KANK4: variants seen among roughly 807,000 people sequenced by gnomAD.
KANK4 encodes KN motif and ankyrin repeat domain-containing protein 4.
KANK4 carries 50 observed loss-of-function variants against 80.8 expected under a neutral mutation model. The observed-to-expected ratio is 0.62, with a 90% CI of 0.49 to 0.78. The LOEUF (loss-of-function observed/expected upper bound fraction) is 0.78. KANK4 is among the 30% of genes least tolerant of loss of function. The probability of loss-of-function intolerance (pLI) is 0.00; values close to 1 mark genes in which losing one functional copy is unlikely to be tolerated. For missense variants in KANK4, 1,196 were observed against 1,240.1 expected, an observed-to-expected ratio of 0.96 and a Z score of 0.53; for synonymous variants, 465 against 506.9, an observed-to-expected ratio of 0.92 and a Z score of 1.11.
intron 6 of KANK4, among the ~76,000 whole-genome samples, chr1:62,264,921 T>A (rs564465996): frequency 1.3e-5 from 2 of 152,298 alleles, no homozygotes; most frequent in Admixed American, 1.3e-4. Context: ...AACCTCCACC[T>A]CCTGGGTTCA....
intron 2 of KANK4, among the ~76,000 whole-genome samples, chr1:62,278,333 C>T (rs374516970): frequency 0.031 from 540 of 17,586 alleles, 7 homozygotes; most frequent in African/African-American, 0.096. Flanking sequence ...TCCTTCCTTC[C>T]TTCCTTCCTT....
rs761058067 is a variant in KANK4, at chr1:62,273,897, C to T, written c.1207G>A (p.Ala403Thr). 6.8e-6 allele frequency: 11 copies of T among 1,614,058 alleles called. No individual in the cohort carries two copies. The Admixed American group carries it at 8.3e-5, about 12-fold the overall frequency. ...QLEGQFHQEN[A>T]KDTQGQTDVM... ...TCCGTCTGGCCCTGAGTGTCTTTGGCGTTCTCTTGGTGAAACTGTCCTTCC... is the reference window on the plus strand; with the variant it reads ...TCCGTCTGGCCCTGAGTGTCTTTGGTGTTCTCTTGGTGAAACTGTCCTTCC... Residue 403 changes from alanine (A) to threonine (T), a missense_variant, in exon 3 of 10, where the codon GCC (alanine) becomes ACC (threonine). This residue lies in a region of KANK4 where 1,154 missense variants were observed against 1,179.6 expected (regional missense o/e 0.98). Coordinates refer to ENST00000371153, the MANE Select transcript of KANK4 (RefSeq NM_181712.5).
intron 5 of KANK4, 128 bp downstream of exon 5, chr1:62,268,159 C>A (rs561587643): frequency 1.0e-5 from 8 of 770,030 alleles, no homozygotes; most frequent in Non-Finnish European, 1.8e-5. Context: ...GGGCATGAAA[C>A]AGAGACTTAA....
intron 1 of KANK4, among the ~76,000 whole-genome samples, chr1:62,309,887 A>G (rs1644484186): frequency 6.6e-6 from 1 of 152,232 alleles, no homozygotes; most frequent in African/African-American, 2.4e-5. Flanking sequence ...GCCAGTGGGC[A>G]GAGCTCTCAG....
intron 6 of KANK4, among the ~76,000 whole-genome samples, chr1:62,265,090 C>T (rs1340589745): frequency 6.6e-6 from 1 of 152,158 alleles, no homozygotes. Context: ...CTCGGCCTTC[C>T]AAAGTGCTGG....
chr1:62,253,974 C>A (rs1361536571), intron 7 of KANK4, among the ~76,000 whole-genome samples: 1 of 152,188 alleles, frequency 6.6e-6, no homozygotes, highest in Non-Finnish European at 1.5e-5. Flanking sequence ...CCTGGAATGC[C>A]ACCCACGGCT....
At chr1:62,256,142 G>A (rs1671746952) in intron 7 of KANK4, among the ~76,000 whole-genome samples, 1 of 152,150 alleles carries the variant, frequency 6.6e-6, no homozygotes, top group South Asian at 2.1e-4. Context: ...TTCTTCCAAT[G>A]TGGCCCAGGG....
rs773542476 is a variant in KANK4 at position 62,238,257 on chromosome 1, G to A, written c.*20C>T. 26 of 1,576,784 alleles carry A rather than the reference G, an allele frequency of 1.6e-5. No homozygotes were observed. Among genetic ancestry groups the A allele is most frequent in the Admixed American group, 1.0e-4 (6 of 59,816 alleles). Reference sequence around the variant, plus strand: ...AGAGAAGAAGGCTTTTGTTCCCCACGGCCAGTTCTTCTGCAGCCCCTACAG... The same window carrying A: ...AGAGAAGAAGGCTTTTGTTCCCCACAGCCAGTTCTTCTGCAGCCCCTACAG... On this transcript the variant is annotated 3_prime_UTR_variant, in exon 10 of 10. Coordinates refer to ENST00000371153, the MANE Select transcript of KANK4 (RefSeq NM_181712.5).
intron 6 of KANK4, 155 bp from the exon 7 acceptor site, chr1:62,263,466 G>A: frequency 1.5e-6 from 1 of 672,440 alleles, no homozygotes; most frequent in Non-Finnish European, 2.6e-6. Context: ...GTGGGGTTAG[G>A]AATGCAGCAA....
At chr1:62,277,796 C>T (rs1338001227) in intron 2 of KANK4, among the ~76,000 whole-genome samples, 2 of 152,046 alleles carry the variant, frequency 1.3e-5, no homozygotes, top group Non-Finnish European at 2.9e-5. Context: ...CAGGAGGGAC[C>T]CCAAGTGAGA....
chr1:62,271,479 C>T lies in KANK4; in HGVS notation c.2011G>A (p.Gly671Arg), dbSNP rs115329333. The T allele has an allele frequency of 2.5e-4, 394 of 1,604,362 alleles. No individual in the cohort carries two copies. In the African/African-American group the frequency reaches 4.1e-3, roughly 17 times the overall value. Residue 671 changes from glycine to arginine, a missense_variant and splice_region_variant, in exon 4 of 10, where the codon GGG becomes AGG. Coordinates refer to ENST00000371153, the MANE Select transcript of KANK4 (RefSeq NM_181712.5). ...KNLQFVGVNG[G>R]YETTSSEETS... is the part of the protein sequence containing the mutation. Reference sequence around the variant, plus strand: ...CTGAGCTTCACAAGCGATGCTTACCCACCGTTAACCCCAACAAACTGAAGG... The same window carrying T: ...CTGAGCTTCACAAGCGATGCTTACCTACCGTTAACCCCAACAAACTGAAGG...
chr1:62,280,062 C>T (rs567510715), intron 2 of KANK4, among the ~76,000 whole-genome samples: 6 of 152,078 alleles, frequency 3.9e-5, no homozygotes, highest in South Asian at 2.1e-4. Flanking sequence ...AGCAGGTGAG[C>T]GAACCAACCA....
chr1:62,276,193 C>T (rs17123328), intron 2 of KANK4, among the ~76,000 whole-genome samples: 6,418 of 152,254 alleles, frequency 0.042, 198 homozygotes, highest in East Asian at 0.14. Context: ...AGTCCTTCGA[C>T]TATCTGCATC....
At chr1:62,287,250 G>A (rs566773266) in intron 1 of KANK4, among the ~76,000 whole-genome samples, 1 of 152,332 alleles carries the variant, frequency 6.6e-6, no homozygotes, top group Non-Finnish European at 1.5e-5. Context: ...GGATGGTCCA[G>A]GAGGGGCCAG....
Position 62,273,560 on chromosome 1 carries a change from C to T in KANK4, c.1544G>A (p.Gly515Glu). 1.2e-6 allele frequency: 2 copies of T among 1,613,848 alleles called. No homozygotes were observed. The highest frequency in any genetic ancestry group is 1.7e-6 in the Non-Finnish European group (2 of 1,179,778). Residue 515 changes from glycine to glutamate, a missense_variant, in exon 3 of 10, where the codon GGA becomes GAA. This residue lies in a region of KANK4 where 1,154 missense variants were observed against 1,179.6 expected (regional missense o/e 0.98). Transcript: ENST00000371153. ...GTEQEGGPQG[G>E]TRGAGGFLWG... ...CAGAAAGCCTCCTGCTCCCCTGGTTCCTCCCTGAGGGCCTCCTTCCTGTTC... is the reference window on the plus strand; with the variant it reads ...CAGAAAGCCTCCTGCTCCCCTGGTTTCTCCCTGAGGGCCTCCTTCCTGTTC...
rs778192341 is a variant in KANK4 at position 62,238,306 on chromosome 1, C to T, written c.2959G>A (p.Ala987Thr). Reference protein sequence around the residue: ...MEIAGLLRAHAEQGRSLGL With the variant: ...MEIAGLLRAHTEQGRSLGL ...AGCCCCAGGGACCTGCCCTGCTCCG[C>T]GTGGGCTCTCAGAAGCCCAGCAATT... The change falls in exon 10 of 10, where the codon GCG becomes ACG. Residue 987 changes from alanine to threonine, a missense_variant. By Grantham distance (58) the Ala-to-Thr change is moderately conservative. Around this residue, in one of 3 missense-constraint regions of KANK4, gnomAD observed 1,154 missense variants for 1,179.6 expected, o/e 0.98. Coordinates refer to ENST00000371153, the MANE Select transcript of KANK4 (RefSeq NM_181712.5). The T allele has an allele frequency of 5.6e-6, 9 of 1,613,760 alleles. No individual in the cohort carries two copies. The highest frequency in any genetic ancestry group is 1.6e-4 in the Middle Eastern group (1 of 6,074).
intron 1 of KANK4, among the ~76,000 whole-genome samples, chr1:62,286,581 C>T (rs1672572302): frequency 6.6e-6 from 1 of 152,304 alleles, no homozygotes; most frequent in Middle Eastern, 3.4e-3. Flanking sequence ...TTGACTCCTC[C>T]GAATCTGGCA....
Position 62,284,702 on chromosome 1 carries a change from T to C in KANK4, c.-70-3068A>G, listed in dbSNP as rs546627957. 2.6e-5 allele frequency among the ~76,000 whole-genome samples: 4 copies of C among 152,312 alleles called. No individual in the cohort carries two copies. In the East Asian group the frequency reaches 5.8e-4, roughly 22 times the overall value. ...ATACCTGGTGTTATTACGTTACTTT[T>C]CATTTGTTTTTGTCCTATGCCAGGA... On this transcript the variant is annotated intron_variant, in intron 1 of 9. Transcript: ENST00000371153.
chr1:62,316,183 G>A (rs981706991), intron 1 of KANK4, among the ~76,000 whole-genome samples: 2 of 152,232 alleles, frequency 1.3e-5, no homozygotes, highest in African/African-American at 2.4e-5. Flanking sequence ...GCCCAATCCA[G>A]GACCCAGGAG....
Sources: gnomAD v4.1 joint callset for allele counts (sites outside exome capture counted in the v4.1 genomes callset) on GRCh38, gnomAD v4.1.1 for gene constraint, gnomAD v4.1.1 regional missense constraint, MANE v1.5 for transcripts, NCBI Gene and HGNC (gene_info 2026-07-23, HGNC 2026-07-21) for gene names.